MCM10: variants seen among roughly 807,000 people sequenced by gnomAD.
The protein encoded by MCM10 is protein MCM10 homolog.
Under a neutral mutation model 109.9 loss-of-function variants are expected in MCM10, and 91 were observed. The observed-to-expected ratio is 0.83, with a 90% confidence interval of 0.70 to 0.99. The LOEUF (loss-of-function observed/expected upper bound fraction) is 0.99. MCM10 is among the 50% of genes least tolerant of loss of function. The probability of loss-of-function intolerance (pLI) is 0.00; values close to 1 mark genes in which losing one functional copy is unlikely to be tolerated. For missense variants in MCM10, 1,077 were observed against 1,061.2 expected (o/e 1.01, Z -0.21); for synonymous variants, 380 against 387.2 (o/e 0.98, Z 0.22).
intron 8 of MCM10, among the ~76,000 whole-genome samples, chr10:13,185,908 G>T (rs1834268688): frequency 2.0e-5 from 3 of 152,030 alleles, no homozygotes; most frequent in African/African-American, 7.2e-5. Flanking sequence ...CTACATGCAC[G>T]CACTACCATG....
At chr10:13,199,106 G>C (rs1300312777) in intron 16 of MCM10, among the ~76,000 whole-genome samples, 1 of 152,210 alleles carries the variant, frequency 6.6e-6, no homozygotes, top group African/African-American at 2.4e-5. Context: ...GTGTTGGCCA[G>C]GCTGATCTCT....
At chr10:13,208,717 A>T (rs1056054472) in intron 18 of MCM10, among the ~76,000 whole-genome samples, 4 of 152,200 alleles carry the variant, frequency 2.6e-5, no homozygotes, top group Non-Finnish European at 5.9e-5. Flanking sequence ...GAAGGGGCCA[A>T]ACATAGATTA....
At chr10:13,170,256 T>C (rs1371683833) in intron 2 of MCM10, among the ~76,000 whole-genome samples, 3 of 152,184 alleles carry the variant, frequency 2.0e-5, no homozygotes. Context: ...CATGACAGAC[T>C]TCATCTGGAA....
intron 14 of MCM10, among the ~76,000 whole-genome samples, chr10:13,196,003 G>A (rs560175700): frequency 1.3e-5 from 2 of 152,058 alleles, no homozygotes; most frequent in South Asian, 2.1e-4. Flanking sequence ...TCCCAGGATC[G>A]ATTCATCCAC....
At chr10:13,209,028 C>T (rs1229151754) in intron 18 of MCM10, 63 bp from the exon 19 acceptor site, 6 of 1,174,888 alleles carry the variant, frequency 5.1e-6, no homozygotes, top group African/African-American at 3.0e-5. Context: ...CAGTGAGCAC[C>T]GTCGTCTTTA....
At chr10:13,191,149 T>C in intron 10 of MCM10, 150 bp from the exon 11 acceptor site, 1 of 587,628 alleles carries the variant, frequency 1.7e-6, no homozygotes, top group Non-Finnish European at 3.1e-6. Flanking sequence ...GTTATGCTAT[T>C]GGGCCGTAAC....
chr10:13,198,618 T>C, intron 15 of MCM10, 71 bp from the exon 16 acceptor site: 1 of 932,356 alleles, frequency 1.1e-6, no homozygotes, highest in Admixed American at 1.7e-5. Flanking sequence ...TGGGAGGGAG[T>C]AGAGTTGATG....
At position 13,171,182 on chromosome 10, in the gene MCM10, G is replaced by A. The variant is rs1204860753; in HGVS notation, c.268G>A (p.Val90Ile). ...DMEDLTDEEE[V>I]PASQSTENRV... ...GGAGGACTTAACAGATGAAGAAGAA[G>A]TTCCCGCATCACAGTCAACTGAAAA... Residue 90 changes from valine to isoleucine, a missense_variant, in exon 3 of 20, where the codon GTT (valine) becomes ATT (isoleucine). Physicochemically the swap from Val to Ile is conservative, Grantham distance 29. Transcript: ENST00000378714. 2 of 1,614,052 alleles carry A rather than the reference G, an allele frequency of 1.2e-6. No individual in the cohort carries two copies. Among genetic ancestry groups the A allele is most frequent in the African/African-American group, 1.3e-5 (1 of 74,934 alleles).
chr10:13,192,700 G>T (rs898679399), intron 13 of MCM10, 132 bp downstream of exon 13: 1 of 761,220 alleles, frequency 1.3e-6, no homozygotes, highest in Admixed American at 2.5e-5. Flanking sequence ...GTTTAAAATA[G>T]TTTTCCCATA....
At chr10:13,205,335 T>C (rs1257507268) in intron 18 of MCM10, among the ~76,000 whole-genome samples, 1 of 152,168 alleles carries the variant, frequency 6.6e-6, no homozygotes, top group Non-Finnish European at 1.5e-5. Flanking sequence ...TCCAGTTCCA[T>C]CCATGTTGCT....
Position 13,182,926 on chromosome 10 carries a change from G to A in MCM10, c.931-7G>A, listed in dbSNP as rs1834226907. 1 of 1,608,348 alleles carries A rather than the reference G, an allele frequency of 6.2e-7. No individual in the cohort carries two copies. The highest frequency in any genetic ancestry group is 8.5e-7 in the Non-Finnish European group (1 of 1,176,552). Reference sequence around the variant, plus strand: ...TCAAAATTATAAAAAATAACTATTTGTTCCAGGGAAAAACCTTCAGCATAT... The same window carrying A: ...TCAAAATTATAAAAAATAACTATTTATTCCAGGGAAAAACCTTCAGCATAT... On this transcript the variant is annotated splice_polypyrimidine_tract_variant and splice_region_variant and intron_variant, in intron 7 of 19. Transcript: ENST00000378714. The surrounding 1 kb of genome is among the most constrained non-coding windows in gnomAD (Gnocchi z 4.2).
rs1834196444 is a variant in MCM10 at position 13,180,493 on chromosome 10, A to G, written c.816A>G (p.Lys272=). Residue 272 remains lysine (K), a synonymous_variant, in exon 7 of 20, where the codon AAA becomes AAG. Coordinates refer to ENST00000378714, the MANE Select transcript of MCM10 (RefSeq NM_018518.5). ...TEMNKKMTGR[K]LIRLSQIKEK... ...TGAACAAGAAAATGACCGGCCGAAA[A>G]CTGATCAGACTGTCTCAGATCAAGG... The G allele has an allele frequency of 6.2e-7, 1 of 1,613,830 alleles. No individual in the cohort carries two copies. The highest frequency in any genetic ancestry group is 1.7e-5 in the Admixed American group (1 of 59,970).
At chr10:13,189,531 C>T (rs1834320130) in intron 10 of MCM10, among the ~76,000 whole-genome samples, 1 of 152,158 alleles carries the variant, frequency 6.6e-6, no homozygotes. Context: ...CCATGATGGC[C>T]AGGCTGGTCT....
rs764000079 is a variant in MCM10 at position 13,189,087 on chromosome 10, C to T, written c.1415+7C>T. The T allele has an allele frequency of 3.2e-5, 51 of 1,613,994 alleles. 1 individual carries two copies. The highest frequency in any genetic ancestry group is 3.3e-4 in the Middle Eastern group (2 of 6,080). ...CCTCGTATGCAGCTTCAATGTAAGA[C>T]GTTCTCGGGCTTCTTTTGGGCAGAG... On this transcript the variant is annotated splice_region_variant and intron_variant, in intron 10 of 19. Coordinates refer to ENST00000378714, the MANE Select transcript of MCM10 (RefSeq NM_018518.5).
chr10:13,206,723 G>T (rs899817573), intron 18 of MCM10, among the ~76,000 whole-genome samples: 1 of 151,558 alleles, frequency 6.6e-6, no homozygotes, highest in African/African-American at 2.4e-5. Flanking sequence ...CAAATGGAAG[G>T]GCATGATGCC....
At chr10:13,204,476 T>A in intron 18 of MCM10, 112 bp downstream of exon 18, 1 of 1,344,142 alleles carries the variant, frequency 7.4e-7, no homozygotes, top group Non-Finnish European at 1.0e-6. Flanking sequence ...TGCCTTCCTA[T>A]AGCTCCAGGC....
chr10:13,180,556 G>A lies in MCM10; in HGVS notation c.879G>A (p.Trp293Ter), dbSNP rs1426859433. 1.2e-6 allele frequency: 2 copies of A among 1,614,098 alleles called. No individual in the cohort carries two copies. Among genetic ancestry groups the A allele is most frequent in the African/African-American group, 1.3e-5 (1 of 75,026 alleles). ...MAREKLEEID[W>*]VTFGVILKKV... ...GAGAGAAGCTGGAAGAAATAGATTG[G>A]GTGACATTTGGGGTTATATTGAAGA... Residue 293 changes from tryptophan to a stop codon, truncating the protein, a stop_gained, in exon 7 of 20, where the codon TGG (tryptophan) becomes TGA (stop). Coordinates refer to ENST00000378714, the MANE Select transcript of MCM10 (RefSeq NM_018518.5). LOFTEE classifies it high-confidence loss of function.
rs1008401849 is a variant in MCM10, at chr10:13,186,622, C to G, written c.1215+342C>G. ...AGCCTATATTTTAACTCCATTATAC[C>G]TTTTCTTAGGGCTTTTTAAAAAATA... On this transcript the variant is annotated intron_variant, in intron 9 of 19. Coordinates refer to ENST00000378714, the MANE Select transcript of MCM10 (RefSeq NM_018518.5). 2.0e-5 allele frequency among the ~76,000 whole-genome samples: 3 copies of G among 152,130 alleles called. No homozygotes were observed. The East Asian group carries it at 5.8e-4, about 29-fold the overall frequency.
chr10:13,180,383 G>T, intron 6 of MCM10, 59 bp from the exon 7 acceptor site: 2 of 1,471,244 alleles, frequency 1.4e-6, no homozygotes, highest in Non-Finnish European at 1.8e-6. Context: ...CACCTGCTAA[G>T]GTGCCAGGTA....
Sources: allele counts gnomAD v4.1 joint callset (sites outside exome capture counted in the v4.1 genomes callset), GRCh38; gene constraint gnomAD v4.1.1; non-coding constraint Gnocchi (gnomAD v3.1); transcripts MANE v1.5; gene names NCBI Gene and HGNC (gene_info 2026-07-23, HGNC 2026-07-21).